The following ATP11C variants were observed in gnomAD, a reference collection of about 807,000 sequenced individuals.
The protein encoded by ATP11C is ATPase phospholipid transporting 11C (ATP11C blood group), also known as phospholipid-transporting ATPase IG.
A neutral mutation model predicts 97.4 loss-of-function variants in ATP11C; 36 were observed. The observed-to-expected ratio is 0.37, with a 90% CI of 0.28 to 0.49. The LOEUF (loss-of-function observed/expected upper bound fraction) is 0.49. ATP11C is among the 20% of genes least tolerant of loss of function. The pLI, the probability that ATP11C is intolerant of heterozygous loss-of-function variation, is 0.98. For synonymous variants in ATP11C, 275 were observed against 290.9 expected (o/e 0.95, Z 0.56); for missense variants, 730 against 824.6 (o/e 0.89, Z 1.40).
At chrX:139,876,954 G>A (rs1006150085) in intron 1 of ATP11C, among the ~76,000 whole-genome samples, 6 of 112,742 alleles carry the variant, frequency 5.3e-5, no homozygotes, top group African/African-American at 1.9e-4. Flanking sequence ...GGACTGGGCA[G>A]TATTAAGGGG....
intron 1 of ATP11C, among the ~76,000 whole-genome samples, chrX:139,913,553 C>G (rs2085109111): frequency 9.0e-6 from 1 of 111,403 alleles, no homozygotes; most frequent in Non-Finnish European, 1.9e-5. Context: ...ATTTAAATGG[C>G]CTGTTCCTGC....
intron 1 of ATP11C, among the ~76,000 whole-genome samples, chrX:139,860,342 A>G (rs1437706116): frequency 9.0e-6 from 1 of 111,466 alleles, no homozygotes; most frequent in African/African-American, 3.3e-5. Context: ...TTACCATTTG[A>G]GGACTTGAAA....
intron 12 of ATP11C, 100 bp from the exon 13 acceptor site, chrX:139,789,588 C>T: frequency 1.7e-6 from 1 of 605,883 alleles, no homozygotes; most frequent in Non-Finnish European, 2.5e-6. Flanking sequence ...AGGAAATCAC[C>T]CCTTCTAAGA....
chrX:139,790,636 C>T (rs985234752), intron 12 of ATP11C, among the ~76,000 whole-genome samples: 1 of 110,928 alleles, frequency 9.0e-6, no homozygotes, highest in African/African-American at 3.3e-5. Flanking sequence ...TATAAAAATA[C>T]TGAATTAAAA....
chrX:139,754,760 C>T (rs774294053), intron 23 of ATP11C, among the ~76,000 whole-genome samples: 2 of 112,249 alleles, frequency 1.8e-5, no homozygotes, highest in Non-Finnish European at 3.8e-5. Context: ...ACATGATCAT[C>T]TCAATAGATG....
chrX:139,887,760 C>G (rs1776474958), intron 1 of ATP11C, among the ~76,000 whole-genome samples: 2 of 110,891 alleles, frequency 1.8e-5, no homozygotes, highest in African/African-American at 6.5e-5. Context: ...TGCCTGAGCT[C>G]AGGAGTTTGC....
At chrX:139,873,289 G>C (rs959153083) in intron 1 of ATP11C, among the ~76,000 whole-genome samples, 1 of 112,292 alleles carries the variant, frequency 8.9e-6, no homozygotes, top group South Asian at 3.7e-4. Flanking sequence ...AAGAAAACGG[G>C]AAGTTTATTG....
intron 6 of ATP11C, among the ~76,000 whole-genome samples, chrX:139,803,980 C>T (rs1046737299): frequency 1.8e-5 from 2 of 110,187 alleles, no homozygotes; most frequent in African/African-American, 3.3e-5. Flanking sequence ...GGATTACAGG[C>T]GTGAGCCACC....
At chrX:139,868,726 CAA>C (rs565000787) in intron 1 of ATP11C, among the ~76,000 whole-genome samples, 8 of 76,316 alleles carry the variant, frequency 1.0e-4, no homozygotes, top group Admixed American at 1.6e-4. Context: ...GACTCCGTCT[CAA>C]AAAAAAAAAA....
At chrX:139,733,479 A>T in intron 28 of ATP11C, among the ~76,000 whole-genome samples, 1 of 112,416 alleles carries the variant, frequency 8.9e-6, no homozygotes, top group Non-Finnish European at 1.9e-5. Flanking sequence ...TCTAATAAAC[A>T]ATTAAACTTT....
intron 1 of ATP11C, among the ~76,000 whole-genome samples, chrX:139,900,367 CAAAAAAAAAAA>C (rs34007097): frequency 2.7e-5 from 1 of 36,870 alleles, no homozygotes; most frequent in Non-Finnish European, 4.8e-5. Flanking sequence ...GACTCCGTCT[CAAAAAAAAAAA>C]AAAAAAAAAA....
At chrX:139,825,827 A>C (rs2485732) in intron 2 of ATP11C, among the ~76,000 whole-genome samples, 20,615 of 111,939 alleles carry the variant, frequency 0.18, 3,173 homozygotes, top group African/African-American at 0.5. Flanking sequence ...GAAGTGAGGA[A>C]AATCTTCAAG....
chrX:139,805,900 A>G (rs2083031574), intron 5 of ATP11C, among the ~76,000 whole-genome samples: 1 of 112,666 alleles, frequency 8.9e-6, no homozygotes, highest in South Asian at 3.6e-4. Context: ...ACTTGTAAAT[A>G]ATATTTTATT....
intron 5 of ATP11C, among the ~76,000 whole-genome samples, chrX:139,810,325 C>G (rs745767761): frequency 1.3e-4 from 14 of 111,190 alleles, no homozygotes; most frequent in Non-Finnish European, 2.3e-4. Flanking sequence ...CATGGTGGCG[C>G]ATGCCTGTAA....
chrX:139,868,554 A>G (rs1404456591), intron 1 of ATP11C, among the ~76,000 whole-genome samples: 1 of 106,155 alleles, frequency 9.4e-6, no homozygotes, highest in Non-Finnish European at 1.9e-5. Flanking sequence ...CATCTCTACT[A>G]AAAGTACAAA....
chrX:139,782,098 G>A (rs776139911), intron 18 of ATP11C, among the ~76,000 whole-genome samples: 8 of 110,935 alleles, frequency 7.2e-5, no homozygotes, highest in East Asian at 2.8e-4. Context: ...AGGCTGAGGC[G>A]GACAGATCAC....
rs2082523693 is a variant in ATP11C at position 139,784,134 on chromosome X, A to C, written c.1667-867T>G. On this transcript the variant is annotated intron_variant, in intron 16 of 29. Coordinates refer to ENST00000682941, the MANE Select transcript of ATP11C (RefSeq NM_001353812.2). ...GACACTTTATCCTTATAAGGGAAAC[A>C]ACCGAGGTCAACAAATTAAAAAGTG... Among the ~76,000 whole-genome samples, 6 of 112,259 alleles carry C rather than the reference A, an allele frequency of 5.3e-5. 1 individual carries two copies. The South Asian group carries it at 2.2e-3, about 42-fold the overall frequency.
At chrX:139,867,657 A>G (rs1350004608) in intron 1 of ATP11C, among the ~76,000 whole-genome samples, 1 of 111,986 alleles carries the variant, frequency 8.9e-6, no homozygotes, top group East Asian at 2.8e-4. Context: ...GCCTGAAGCA[A>G]GCCTTTCAAA....
intron 12 of ATP11C, among the ~76,000 whole-genome samples, chrX:139,791,382 A>G (rs2082687379): frequency 8.9e-6 from 1 of 112,090 alleles, no homozygotes; most frequent in Non-Finnish European, 1.9e-5. Context: ...AGTGTCAAAG[A>G]TGGTAGCTTT....
Sources: gnomAD v4.1 joint callset for allele counts (sites outside exome capture counted in the v4.1 genomes callset) on GRCh38, gnomAD v4.1.1 for gene constraint, MANE v1.5 for transcripts, NCBI Gene and HGNC (gene_info 2026-07-23, HGNC 2026-07-21) for gene names.